GRM7: variants seen among roughly 807,000 people sequenced by gnomAD.
GRM7 encodes glutamate metabotropic receptor 7.
Under a neutral mutation model 84.5 loss-of-function variants are expected in GRM7, and 35 were observed. The observed-to-expected ratio is 0.41, with a 90% confidence interval of 0.32 to 0.55. The LOEUF (loss-of-function observed/expected upper bound fraction) is 0.55. GRM7 is among the 20% of genes least tolerant of loss of function. The pLI, the probability that GRM7 is intolerant of heterozygous loss-of-function variation, is 0.19. For synonymous variants in GRM7, 487 were observed against 455.1 expected, an observed-to-expected ratio of 1.07 and a Z score of -0.89; for missense variants, 1,003 against 1,194.6, an observed-to-expected ratio of 0.84 and a Z score of 2.36.
Position 7,162,729 on chromosome 3 carries a change from ATTTTTTTTTTTT to A in GRM7, c.736+16098_736+16109del, listed in dbSNP as rs71063284. Among the ~76,000 whole-genome samples, 9 of 54,658 alleles carry A rather than the reference ATTTTTTTTTTTT, an allele frequency of 1.6e-4. 1 individual carries two copies. Among genetic ancestry groups the A allele is most frequent in the African/African-American group, 4.4e-4 (8 of 18,200 alleles). The allele number at this position is 54,658 out of a possible 152,430, so 35.9% of individuals were successfully genotyped here. On this transcript the variant is annotated intron_variant, in intron 2 of 9. Transcript: ENST00000357716. The stretch of plus-strand genomic sequence containing the variant: ...CAATCTCCCATTACTCCCATTTTTC[ATTTTTTTTTTTT>A]TTTTTTTTTTTTTTTTTTTTTTTTT...
intron 5 of GRM7, among the ~76,000 whole-genome samples, chr3:7,451,099 A>G (rs1044134800): frequency 1.3e-5 from 2 of 152,178 alleles, no homozygotes; most frequent in Admixed American, 1.3e-4. Flanking sequence ...GCCGTAGGAA[A>G]CAATTTGGAA....
chr3:7,400,999 A>G (rs957186374), intron 4 of GRM7, among the ~76,000 whole-genome samples: 1 of 151,922 alleles, frequency 6.6e-6, no homozygotes, highest in African/African-American at 2.4e-5. Flanking sequence ...AATCATTGGT[A>G]TTGTTTTTAT....
chr3:7,600,142 C>G (rs1346678333), intron 8 of GRM7, among the ~76,000 whole-genome samples: 2 of 151,840 alleles, frequency 1.3e-5, no homozygotes, highest in East Asian at 3.9e-4. Context: ...CACAGAGGCA[C>G]CATGATTTTT....
intron 4 of GRM7, among the ~76,000 whole-genome samples, chr3:7,330,649 T>C (rs116377512): frequency 0.029 from 4,420 of 152,262 alleles, 203 homozygotes; most frequent in African/African-American, 0.098. Context: ...TTGGCTGTCA[T>C]TATCTCCTGC....
intron 1 of GRM7, among the ~76,000 whole-genome samples, chr3:7,126,622 G>A (rs1693409658): frequency 6.6e-6 from 1 of 152,282 alleles, no homozygotes; most frequent in South Asian, 2.1e-4. Context: ...GACTGAGTTA[G>A]CTACTACCAC....
At chr3:7,260,677 G>GTGTT (rs1698389202) in intron 2 of GRM7, among the ~76,000 whole-genome samples, 1 of 150,758 alleles carries the variant, frequency 6.6e-6, no homozygotes, top group African/African-American at 2.4e-5. Flanking sequence ...TTTGAATTGT[G>GTGTT]TGTGTGTGTG....
intron 8 of GRM7, among the ~76,000 whole-genome samples, chr3:7,611,973 C>T (rs1410265724): frequency 6.6e-6 from 1 of 152,118 alleles, no homozygotes; most frequent in African/African-American, 2.4e-5. Context: ...GGACTTAAAA[C>T]CAATAGTCCA....
intron 9 of GRM7, among the ~76,000 whole-genome samples, chr3:7,705,056 C>T (rs1701342745): frequency 6.6e-6 from 1 of 152,254 alleles, no homozygotes; most frequent in South Asian, 2.1e-4. Context: ...CAGGTCTTGA[C>T]TTGCTGTGCC....
At chr3:7,203,146 G>C (rs1318131784) in intron 2 of GRM7, among the ~76,000 whole-genome samples, 1 of 152,026 alleles carries the variant, frequency 6.6e-6, no homozygotes, top group Non-Finnish European at 1.5e-5. Context: ...TCAAACCTTG[G>C]AACTTATTTC....
At chr3:7,181,489 C>G (rs1395652640) in intron 2 of GRM7, among the ~76,000 whole-genome samples, 3 of 151,986 alleles carry the variant, frequency 2.0e-5, no homozygotes, top group Non-Finnish European at 2.9e-5. Flanking sequence ...TTAAAAATAG[C>G]AAAGAAGGCA....
At chr3:7,674,195 TC>T (rs1264929521) in intron 8 of GRM7, among the ~76,000 whole-genome samples, 1 of 151,872 alleles carries the variant, frequency 6.6e-6, no homozygotes, top group South Asian at 2.1e-4. Context: ...TGAATTTTTT[TC>T]TTTTTTTTTT....
At chr3:7,489,748 T>G (rs1191880585) in intron 7 of GRM7, among the ~76,000 whole-genome samples, 1 of 152,128 alleles carries the variant, frequency 6.6e-6, no homozygotes, top group Non-Finnish European at 1.5e-5. Context: ...GCTCTTCATA[T>G]ATTCATATAA....
At chr3:7,377,132 A>C (rs1417460351) in intron 4 of GRM7, among the ~76,000 whole-genome samples, 3 of 152,262 alleles carry the variant, frequency 2.0e-5, no homozygotes, top group Non-Finnish European at 4.4e-5. Context: ...CTCATTGCAC[A>C]GATTTCACTG....
chr3:7,627,527 A>G lies in GRM7; in HGVS notation c.2451+48170A>G, dbSNP rs1431349173. Among the ~76,000 whole-genome samples, 7 of 152,366 alleles carry G rather than the reference A, an allele frequency of 4.6e-5. 1 individual carries two copies. In the South Asian group the frequency reaches 1.4e-3, roughly 32 times the overall value. On this transcript the variant is annotated intron_variant, in intron 8 of 9. Coordinates refer to ENST00000357716, the MANE Select transcript of GRM7 (RefSeq NM_000844.4). ...TCAGCATGACAGACATTCGCATGGT[A>G]TTAAAACCACGAACTCTCAACTAGC...
At chr3:7,588,049 A>T (rs1285049112) in intron 8 of GRM7, among the ~76,000 whole-genome samples, 2 of 152,136 alleles carry the variant, frequency 1.3e-5, no homozygotes, top group Non-Finnish European at 2.9e-5. Context: ...AAAGCATGAG[A>T]CATTGGAATG....
intron 1 of GRM7, among the ~76,000 whole-genome samples, chr3:7,126,013 C>T (rs1271299298): frequency 1.3e-5 from 2 of 152,250 alleles, no homozygotes; most frequent in East Asian, 3.9e-4. Flanking sequence ...TGTTCTCTGC[C>T]GTGTCAGGAA....
rs542648312 is a variant in GRM7 at position 7,416,464 on chromosome 3, G to A, written c.1174+1301G>A. Among the ~76,000 whole-genome samples, 17 of 152,058 alleles carry A rather than the reference G, an allele frequency of 1.1e-4. No individual in the cohort carries two copies. The South Asian group carries it at 2.7e-3, about 24-fold the overall frequency. On this transcript the variant is annotated intron_variant, in intron 5 of 9. Transcript: ENST00000357716. ...TTTGTAATGTAGCTGTTTGAATACC[G>A]GTCACCCACATGTTGTAGATTAATC...
intron 8 of GRM7, among the ~76,000 whole-genome samples, chr3:7,645,645 C>T (rs1398251589): frequency 6.6e-6 from 1 of 151,782 alleles, no homozygotes; most frequent in Non-Finnish European, 1.5e-5. Flanking sequence ...CTCTATGAGC[C>T]ACAGAGTCAT....
chr3:7,394,935 G>A (rs964193044), intron 4 of GRM7, among the ~76,000 whole-genome samples: 3 of 151,936 alleles, frequency 2.0e-5, no homozygotes. Context: ...CTACTCAGGA[G>A]GCTGAGGCAG....
Sources: allele counts gnomAD v4.1 joint callset (sites outside exome capture counted in the v4.1 genomes callset), GRCh38; gene constraint gnomAD v4.1.1; transcripts MANE v1.5; gene names NCBI Gene and HGNC (gene_info 2026-07-23, HGNC 2026-07-21).